The following ITCH variants were observed in gnomAD, a reference collection of about 807,000 sequenced individuals.
ITCH encodes the protein E3 ubiquitin-protein ligase Itchy homolog.
A neutral mutation model predicts 126.8 loss-of-function variants in ITCH; 28 were observed. That is an observed-to-expected ratio of 0.22 (90% CI 0.16 to 0.30). The LOEUF (loss-of-function observed/expected upper bound fraction) is 0.30, where lower values mean the gene tolerates loss of function less well. Among genes scored for constraint, ITCH ranks in the 10% least tolerant of loss-of-function variants. The pLI is 1.00. For missense variants in ITCH, 631 were observed against 1,032.4 expected (o/e 0.61, Z 5.33); for synonymous variants, 342 against 340.0 (o/e 1.01, Z -0.06).
rs1231812127 is a variant in ITCH at position 34,426,433 on chromosome 20, G to GT, written c.521+1918dup. On this transcript the variant is annotated intron_variant, in intron 7 of 24. Coordinates refer to ENST00000374864, the MANE Select transcript of ITCH (RefSeq NM_031483.7). ...TATCTGCATTTGTCATCTATGGGTT[G>GT]TTTTTTTTTTGTTTTGTTTTTTTGT... is the stretch of plus-strand genomic sequence containing the variant. Among the ~76,000 whole-genome samples, 248 of 147,252 alleles carry GT rather than the reference G, an allele frequency of 1.7e-3. 1 individual carries two copies. Among genetic ancestry groups the GT allele is most frequent in the Middle Eastern group, 6.9e-3 (2 of 290 alleles).
intron 10 of ITCH, 87 bp downstream of exon 10, chr20:34,442,390 C>G: frequency 9.9e-7 from 1 of 1,010,304 alleles, no homozygotes; most frequent in South Asian, 1.4e-5. Context: ...TTCTGTTTTA[C>G]TTTTTCTTGT....
chr20:34,485,401 A>G (rs1016551594), intron 20 of ITCH, among the ~76,000 whole-genome samples: 3 of 152,124 alleles, frequency 2.0e-5, no homozygotes, highest in African/African-American at 7.2e-5. Context: ...AGTATTTGAG[A>G]GTTGCTTCAC....
rs1006255995 is a variant in ITCH, at chr20:34,509,413, C to A, written c.*1619C>A. ...AAGAATAAGCAGCAGAACCCTGTTC[C>A]ATATGGAAAAAAGAAAAACAATTTT... On this transcript the variant is annotated 3_prime_UTR_variant, in exon 25 of 25. Coordinates refer to ENST00000374864, the MANE Select transcript of ITCH (RefSeq NM_031483.7). The A allele has an allele frequency of 2.0e-5, 3 of 152,450 alleles. No homozygotes were observed. The highest frequency in any genetic ancestry group is 7.2e-5 in the African/African-American group (3 of 41,430). The allele number at this position is 152,450 out of a possible 1,614,324, so 9.4% of individuals were successfully genotyped here.
chr20:34,407,756 A>G (rs1978345025), intron 3 of ITCH, among the ~76,000 whole-genome samples: 1 of 152,144 alleles, frequency 6.6e-6, no homozygotes, highest in Admixed American at 6.5e-5. Flanking sequence ...ATGGTTGCTT[A>G]AAAGTCTTCT....
At chr20:34,482,536 CTT>C in intron 20 of ITCH, among the ~76,000 whole-genome samples, 1 of 152,334 alleles carries the variant, frequency 6.6e-6, no homozygotes, top group African/African-American at 2.4e-5. Flanking sequence ...AAAATGATCT[CTT>C]TTGACTCCAT....
chr20:34,441,041 C>T (rs1026201400), intron 9 of ITCH, among the ~76,000 whole-genome samples: 19 of 151,942 alleles, frequency 1.3e-4, no homozygotes, highest in Admixed American at 4.6e-4. Flanking sequence ...GAGGCCGAGG[C>T]GGGCTGATCA....
intron 12 of ITCH, among the ~76,000 whole-genome samples, chr20:34,451,422 T>C (rs1177015997): frequency 1.3e-5 from 2 of 152,048 alleles, no homozygotes; most frequent in African/African-American, 4.8e-5. Context: ...ATCACACTAT[T>C]GCACTCCAGC....
At chr20:34,472,185 G>T (rs986820189) in intron 16 of ITCH, among the ~76,000 whole-genome samples, 1 of 151,816 alleles carries the variant, frequency 6.6e-6, no homozygotes, top group African/African-American at 2.4e-5. Flanking sequence ...AGACCAGCCT[G>T]GCCAAGATGG....
At chr20:34,499,150 C>G (rs544680671) in intron 23 of ITCH, among the ~76,000 whole-genome samples, 2 of 151,048 alleles carry the variant, frequency 1.3e-5, no homozygotes, top group African/African-American at 4.8e-5. Context: ...AATTTTTTGT[C>G]TTTTTAGTAG....
At chr20:34,458,889 GC>G (rs1183791986) in intron 13 of ITCH, among the ~76,000 whole-genome samples, 2 of 152,140 alleles carry the variant, frequency 1.3e-5, no homozygotes, top group African/African-American at 2.4e-5. Flanking sequence ...GTTATTGAGG[GC>G]CAGGATATAA....
chr20:34,486,170 A>G (rs1235542191), intron 20 of ITCH, among the ~76,000 whole-genome samples: 1 of 151,888 alleles, frequency 6.6e-6, no homozygotes, highest in Non-Finnish European at 1.5e-5. Context: ...ATGTACTACC[A>G]TGCCTGGCTT....
intron 4 of ITCH, among the ~76,000 whole-genome samples, chr20:34,412,009 A>G (rs776118216): frequency 6.3e-4 from 96 of 152,342 alleles, no homozygotes; most frequent in Non-Finnish European, 1.2e-3. Flanking sequence ...ATAAAGTTTA[A>G]TGTCAGGATT....
At chr20:34,456,202 ATATATATATATATTTT>A (rs1421692096) in intron 12 of ITCH, among the ~76,000 whole-genome samples, 60 of 31,616 alleles carry the variant, frequency 1.9e-3, no homozygotes, top group East Asian at 0.013. Context: ...ATATATATAT[ATATATATATATATTTT>A]TTTTTTTTTT....
At chr20:34,395,221 A>C (rs972931261) in intron 3 of ITCH, among the ~76,000 whole-genome samples, 1 of 150,838 alleles carries the variant, frequency 6.6e-6, no homozygotes, top group Non-Finnish European at 1.5e-5. Context: ...CGACAGAGCG[A>C]GACTCCATCT....
intron 6 of ITCH, among the ~76,000 whole-genome samples, chr20:34,423,563 T>C (rs1981086557): frequency 1.3e-5 from 2 of 152,214 alleles, no homozygotes; most frequent in Admixed American, 1.3e-4. Flanking sequence ...CCATTTGTTT[T>C]GCTTCTTTAA....
Position 34,442,315 on chromosome 20 carries a change from A to C in ITCH, c.965+12A>C, listed in dbSNP as rs368412527. 28 of 1,540,234 alleles carry C rather than the reference A, an allele frequency of 1.8e-5. No individual in the cohort carries two copies. The highest frequency in any genetic ancestry group is 8.3e-5 in the Admixed American group (5 of 59,906). On this transcript the variant is annotated intron_variant, in intron 10 of 24. Coordinates refer to ENST00000374864, the MANE Select transcript of ITCH (RefSeq NM_031483.7). The stretch of plus-strand genomic sequence containing the variant: ...CCTCTACCTCCTGGGTAAGTATCTA[A>C]ATTTAAAAAGAATAATTTTATTTAG...
rs1349913336 is a variant in ITCH at position 34,509,617 on chromosome 20, T to A, written c.*1823T>A. On this transcript the variant is annotated 3_prime_UTR_variant, in exon 25 of 25. Coordinates refer to ENST00000374864, the MANE Select transcript of ITCH (RefSeq NM_031483.7). ...GCTCTCCCCAGCCCTATGGTTTTTT[T>A]ATTTCATGTACCCCAGGAAATACTG... The A allele has an allele frequency of 6.6e-6, 1 of 152,642 alleles. No homozygotes were observed. Among genetic ancestry groups the A allele is most frequent in the African/African-American group, 2.4e-5 (1 of 41,456 alleles). The allele number at this position is 152,642 out of a possible 1,614,324, so 9.5% of individuals were successfully genotyped here. A position where few individuals can be genotyped will look rare whatever the true frequency, so the allele number is the denominator to read the frequency against.
In ITCH at chr20:34,477,998, G is replaced by A. The variant is rs977982638; in HGVS notation, c.1658+138G>A. 4 of 1,123,050 alleles carry A rather than the reference G, an allele frequency of 3.6e-6. No homozygotes were observed. The African/African-American group carries it at 4.8e-5, about 13-fold the overall frequency. 69.6% of individuals were successfully genotyped at this position (1,123,050 alleles called of 1,614,324 possible). On this transcript the variant is annotated intron_variant, in intron 17 of 24. Coordinates refer to ENST00000374864, the MANE Select transcript of ITCH (RefSeq NM_031483.7). ...CAAATTATTATACCTTTATTATGCT[G>A]TAGCTACAGAATTTCAAAAAACATT...
At chr20:34,410,486 T>G (rs1179282832) in intron 4 of ITCH, among the ~76,000 whole-genome samples, 1 of 152,176 alleles carries the variant, frequency 6.6e-6, no homozygotes, top group Admixed American at 6.6e-5. Flanking sequence ...AGGCTTTCTG[T>G]TTTTAATTAA....
Sources: gnomAD v4.1 joint callset for allele counts (sites outside exome capture counted in the v4.1 genomes callset) on GRCh38, gnomAD v4.1.1 for gene constraint, MANE v1.5 for transcripts, NCBI Gene and HGNC (gene_info 2026-07-23, HGNC 2026-07-21) for gene names.